The following IKZF3 variants were observed in gnomAD, a reference collection of about 807,000 sequenced individuals.
The protein encoded by IKZF3 is zinc finger protein Aiolos.
In IKZF3, 10 loss-of-function variants were observed where a neutral mutation model predicts 49.0. The ratio of observed to expected loss-of-function variants is 0.20; its 90% CI spans 0.13 to 0.35. The LOEUF is 0.35. IKZF3 is among the 10% of genes least tolerant of loss of function. The pLI is 1.00. For synonymous variants in IKZF3, 209 were observed against 228.2 expected (o/e 0.92, Z 0.76); for missense variants, 498 against 664.8 (o/e 0.75, Z 2.76).
rs374404281 is a variant in IKZF3 at position 39,781,111 on chromosome 17, C to G, written c.710-3344G>C. On this transcript the variant is annotated intron_variant, in intron 6 of 7. Coordinates refer to ENST00000346872, the MANE Select transcript of IKZF3 (RefSeq NM_012481.5). ...CGGGCACTTCAGCCACAAGACACTG[C>G]TATTGAGTGAAGAGGGTCAAATTCT... Among the ~76,000 whole-genome samples the G allele has an allele frequency of 1.2e-4, 19 of 152,290 alleles. No homozygotes were observed. In the East Asian group the frequency reaches 3.5e-3, roughly 28 times the overall value.
intron 1 of IKZF3, among the ~76,000 whole-genome samples, chr17:39,842,049 A>C (rs978699225): frequency 4.7e-5 from 7 of 148,044 alleles, no homozygotes; most frequent in African/African-American, 1.3e-4. Context: ...AAAAAAAAAA[A>C]AAAAAAAAAA....
chr17:39,855,547 T>C (rs2144558006), intron 1 of IKZF3, among the ~76,000 whole-genome samples: 1 of 152,236 alleles, frequency 6.6e-6, no homozygotes, highest in South Asian at 2.1e-4. Context: ...ATCTATAGAG[T>C]CCTTTGAGAA....
At chr17:39,773,933 T>C (rs1216292682) in intron 7 of IKZF3, among the ~76,000 whole-genome samples, 1 of 97,484 alleles carries the variant, frequency 1.0e-5, no homozygotes, top group African/African-American at 3.7e-5. Flanking sequence ...TGATTCCTGA[T>C]GGACGTGTGT....
chr17:39,770,987 C>G (rs1448160137), intron 7 of IKZF3, among the ~76,000 whole-genome samples: 1 of 151,972 alleles, frequency 6.6e-6, no homozygotes, highest in Non-Finnish European at 1.5e-5. Context: ...TGTATGATAC[C>G]TTTTAAGGTA....
At chr17:39,854,141 G>C (rs868817834) in intron 1 of IKZF3, among the ~76,000 whole-genome samples, 3 of 151,822 alleles carry the variant, frequency 2.0e-5, no homozygotes, top group Non-Finnish European at 4.4e-5. Flanking sequence ...AAAAAACAAA[G>C]TCCCAATTGT....
At chr17:39,776,978 T>C (rs1188779187) in intron 7 of IKZF3, among the ~76,000 whole-genome samples, 1 of 152,244 alleles carries the variant, frequency 6.6e-6, no homozygotes, top group African/African-American at 2.4e-5. Context: ...ATTTCAAATA[T>C]CATGGTCACA....
intron 3 of IKZF3, among the ~76,000 whole-genome samples, chr17:39,825,772 C>A (rs2061939996): frequency 6.6e-6 from 1 of 152,062 alleles, no homozygotes; most frequent in African/African-American, 2.4e-5. Context: ...AATTTTAAAA[C>A]CTAAAATATC....
chr17:39,781,627 T>C (rs181497209), intron 6 of IKZF3, among the ~76,000 whole-genome samples: 20 of 152,294 alleles, frequency 1.3e-4, no homozygotes, highest in African/African-American at 4.1e-4. Context: ...CTGTCTACAT[T>C]TTACTGAAGT....
At chr17:39,863,027 T>C (rs955947987) in intron 1 of IKZF3, among the ~76,000 whole-genome samples, 7 of 152,180 alleles carry the variant, frequency 4.6e-5, no homozygotes, top group Non-Finnish European at 8.8e-5. Context: ...AATTAATCAT[T>C]TGTAATAATT....
chr17:39,863,214 G>C (rs2063263579), intron 1 of IKZF3, among the ~76,000 whole-genome samples: 2 of 151,822 alleles, frequency 1.3e-5, no homozygotes, highest in African/African-American at 4.8e-5. Context: ...AAAATTAAAA[G>C]CATAAAGTTT....
At chr17:39,785,029 G>A (rs1206369601) in intron 6 of IKZF3, among the ~76,000 whole-genome samples, 1 of 152,130 alleles carries the variant, frequency 6.6e-6, no homozygotes, top group Non-Finnish European at 1.5e-5. Flanking sequence ...AACAGCAATG[G>A]AGCATCATCT....
intron 1 of IKZF3, among the ~76,000 whole-genome samples, chr17:39,850,611 TTA>T (rs1308832539): frequency 2.0e-5 from 1 of 50,682 alleles, no homozygotes; most frequent in African/African-American, 7.5e-5. Flanking sequence ...ATATAGCCTA[TTA>T]TATATGTATA....
intron 3 of IKZF3, among the ~76,000 whole-genome samples, chr17:39,825,918 G>C (rs1232379327): frequency 6.6e-6 from 1 of 152,162 alleles, no homozygotes; most frequent in Non-Finnish European, 1.5e-5. Context: ...CTCAGGGGCA[G>C]GGATCCTCTT....
At chr17:39,831,984 A>C (rs571026626) in intron 2 of IKZF3, 114 bp downstream of exon 2, 183 of 731,624 alleles carry the variant, frequency 2.5e-4, no homozygotes, top group Middle Eastern at 1.2e-3. Context: ...TTTAAAAAAA[A>C]ACACACACAC....
At chr17:39,854,058 G>T (rs1481910217) in intron 1 of IKZF3, among the ~76,000 whole-genome samples, 2 of 152,204 alleles carry the variant, frequency 1.3e-5, no homozygotes, top group South Asian at 4.1e-4. Context: ...CCTGGGAGGC[G>T]GAGGTTGCAG....
Position 39,765,738 on chromosome 17 carries a change from G to C in IKZF3, c.*52C>G, listed in dbSNP as rs370349812. 15 of 1,379,940 alleles carry C rather than the reference G, an allele frequency of 1.1e-5. No homozygotes were observed. In the African/African-American group the frequency reaches 2.0e-4, roughly 19 times the overall value. 85.5% of individuals were successfully genotyped at this position (1,379,940 alleles called of 1,614,324 possible). A position where few individuals can be genotyped will look rare whatever the true frequency, so the allele number is the denominator to read the frequency against. On this transcript the variant is annotated 3_prime_UTR_variant, in exon 8 of 8. Transcript: ENST00000346872. ...GAGCAATCTGTTAGGCGAGGTCATT[G>C]GTTTTTAGAAACGATGCTGAATACA...
At chr17:39,802,477 T>A (rs981389925) in intron 3 of IKZF3, among the ~76,000 whole-genome samples, 1 of 150,986 alleles carries the variant, frequency 6.6e-6, no homozygotes, top group African/African-American at 2.4e-5. Flanking sequence ...TGTGGTAGTG[T>A]GTGCCTGTTG....
intron 4 of IKZF3, among the ~76,000 whole-genome samples, chr17:39,792,377 A>G (rs2061046696): frequency 6.6e-6 from 1 of 152,258 alleles, no homozygotes; most frequent in Non-Finnish European, 1.5e-5. Flanking sequence ...ATGGCTAAGA[A>G]GCAAATCACA....
At chr17:39,835,674 A>G (rs60805963) in intron 1 of IKZF3, 346 of 452,188 alleles carry the variant, frequency 7.7e-4, no homozygotes, top group African/African-American at 4.9e-3. Context: ...GGACAGCCCC[A>G]CAGATGTGTC....
Sources: gnomAD v4.1 joint callset for allele counts (sites outside exome capture counted in the v4.1 genomes callset) on GRCh38, gnomAD v4.1.1 for gene constraint, MANE v1.5 for transcripts, NCBI Gene and HGNC (gene_info 2026-07-23, HGNC 2026-07-21) for gene names.